Variants in AUTS2 observed in about 807,000 individuals in gnomAD.
AUTS2 encodes autism susceptibility gene 2 protein.
A neutral mutation model predicts 112.4 loss-of-function variants in AUTS2; 17 were observed. That is an observed-to-expected ratio of 0.15 (90% CI 0.10 to 0.23). The LOEUF (loss-of-function observed/expected upper bound fraction) is 0.23, where lower values mean the gene tolerates loss of function less well. AUTS2 is among the 10% of genes least tolerant of loss of function. AUTS2 has a pLI of 1.00. For missense variants in AUTS2, 1,510 were observed against 1,701.6 expected, an observed-to-expected ratio of 0.89 and a Z score of 1.98; for synonymous variants, 751 against 702.7, an observed-to-expected ratio of 1.07 and a Z score of -1.09.
intron 3 of AUTS2, among the ~76,000 whole-genome samples, chr7:70,128,890 C>G (rs1806117913): frequency 6.6e-6 from 1 of 152,116 alleles, no homozygotes; most frequent in Non-Finnish European, 1.5e-5. Flanking sequence ...CCTTGGTGTT[C>G]CTGGCTTATA....
chr7:70,536,378 CCT>C (rs2129501946), intron 5 of AUTS2, among the ~76,000 whole-genome samples: 1 of 151,950 alleles, frequency 6.6e-6, no homozygotes, highest in East Asian at 1.9e-4. Flanking sequence ...GCGCCTTTGC[CCT>C]GTTTTAGACC....
At chr7:70,158,286 A>C (rs1562748410) in intron 4 of AUTS2, among the ~76,000 whole-genome samples, 2 of 152,186 alleles carry the variant, frequency 1.3e-5, no homozygotes, top group Non-Finnish European at 2.9e-5. Flanking sequence ...TGTGTGAGAG[A>C]TAGCTCACTC....
chr7:70,768,055 T>G lies in AUTS2; in HGVS notation c.1721T>G (p.Phe574Cys), dbSNP rs1477059207. The G allele has an allele frequency of 1.9e-6, 3 of 1,606,102 alleles. No individual in the cohort carries two copies. The highest frequency in any genetic ancestry group is 2.5e-6 in the Non-Finnish European group (3 of 1,177,400). The change falls in exon 10 of 19, where the codon TTC (phenylalanine) becomes TGC (cysteine). Residue 574 changes from phenylalanine (F) to cysteine (C), a missense_variant. Phe to Cys is a radical substitution (Grantham distance 205). Around this residue, in one of 3 missense-constraint regions of AUTS2, gnomAD observed 187 missense variants for 309.7 expected, o/e 0.60. Coordinates refer to ENST00000342771, the MANE Select transcript of AUTS2 (RefSeq NM_015570.4). Reference sequence around the variant, plus strand: ...AAATACCCTACAAAAGTTGACCCATTCTACCGGCACAGTGTGAGTTTCATT... The same window carrying G: ...AAATACCCTACAAAAGTTGACCCATGCTACCGGCACAGTGTGAGTTTCATT... Reference protein sequence around the residue: ...FDKYPTKVDPFYRHSLFHSYP... With the variant: ...FDKYPTKVDPCYRHSLFHSYP...
intron 5 of AUTS2, among the ~76,000 whole-genome samples, chr7:70,625,238 G>A (rs1041531241): frequency 7.2e-5 from 11 of 152,118 alleles, no homozygotes; most frequent in Non-Finnish European, 1.6e-4. Context: ...CATATCTCTA[G>A]AACCCCCCAT....
At chr7:70,557,424 G>T (rs907799527) in intron 5 of AUTS2, among the ~76,000 whole-genome samples, 1 of 152,184 alleles carries the variant, frequency 6.6e-6, no homozygotes, top group Non-Finnish European at 1.5e-5. Flanking sequence ...CTCCTCCCCA[G>T]CTTAGCCGAG....
intron 2 of AUTS2, among the ~76,000 whole-genome samples, chr7:70,050,247 C>A (rs1169835170): frequency 1.4e-5 from 2 of 146,790 alleles, no homozygotes; most frequent in African/African-American, 5.0e-5. Context: ...GTCCCAGCTA[C>A]TCAGGAGGCT....
chr7:70,598,014 C>T (rs1425949442), intron 5 of AUTS2, among the ~76,000 whole-genome samples: 1 of 152,156 alleles, frequency 6.6e-6, no homozygotes, highest in Non-Finnish European at 1.5e-5. Context: ...AGGGGCATTG[C>T]ATCTTGAATA....
At chr7:70,123,230 G>A (rs1320077837) in intron 3 of AUTS2, among the ~76,000 whole-genome samples, 1 of 152,120 alleles carries the variant, frequency 6.6e-6, no homozygotes. Context: ...GGATACCAAA[G>A]CAACACCTAC....
intron 4 of AUTS2, among the ~76,000 whole-genome samples, chr7:70,398,699 A>G (rs966421635): frequency 3.9e-5 from 6 of 152,072 alleles, no homozygotes; most frequent in Non-Finnish European, 7.4e-5. Flanking sequence ...TTCCTTTTCA[A>G]TCTGGATTAC....
chr7:69,740,634 C>T (rs1250192532), intron 1 of AUTS2, among the ~76,000 whole-genome samples: 1 of 152,074 alleles, frequency 6.6e-6, no homozygotes, highest in Non-Finnish European at 1.5e-5. Flanking sequence ...AGGAATTCTC[C>T]TGCCTCAGCC....
chr7:70,373,462 T>C (rs1340052026), intron 4 of AUTS2, among the ~76,000 whole-genome samples: 1 of 152,188 alleles, frequency 6.6e-6, no homozygotes, highest in Non-Finnish European at 1.5e-5. Flanking sequence ...TTGGTTGGTT[T>C]TAATCATTCC....
At chr7:70,561,461 C>CA (rs1421921717) in intron 5 of AUTS2, among the ~76,000 whole-genome samples, 2 of 152,100 alleles carry the variant, frequency 1.3e-5, no homozygotes, top group Non-Finnish European at 2.9e-5. Flanking sequence ...CCTGTCTCTA[C>CA]AAAAATTTTT....
intron 2 of AUTS2, among the ~76,000 whole-genome samples, chr7:69,901,499 C>T (rs539036919): frequency 2.8e-4 from 42 of 152,298 alleles, no homozygotes; most frequent in African/African-American, 8.9e-4. Context: ...AAGACTAAGA[C>T]GTAACACATC....
chr7:70,331,903 C>G (rs1790769163), intron 4 of AUTS2, among the ~76,000 whole-genome samples: 1 of 152,132 alleles, frequency 6.6e-6, no homozygotes, highest in South Asian at 2.1e-4. Flanking sequence ...AAAACTGGCA[C>G]AAGATAAGGA....
chr7:70,617,454 A>G (rs1804433518), intron 5 of AUTS2, among the ~76,000 whole-genome samples: 1 of 152,150 alleles, frequency 6.6e-6, no homozygotes, highest in African/African-American at 2.4e-5. Flanking sequence ...TGAGGTCAGG[A>G]GATCAAGACC....
At chr7:69,937,533 C>A (rs1384562601) in intron 2 of AUTS2, among the ~76,000 whole-genome samples, 3 of 152,006 alleles carry the variant, frequency 2.0e-5, no homozygotes, top group Admixed American at 6.5e-5. Flanking sequence ...AATTGCAGAC[C>A]TTGAAGAAAC....
At chr7:70,744,519 A>C (rs989271199) in intron 6 of AUTS2, among the ~76,000 whole-genome samples, 3 of 152,194 alleles carry the variant, frequency 2.0e-5, no homozygotes, top group African/African-American at 7.2e-5. Context: ...CGAGGAGGAC[A>C]TATAAGGAAG....
chr7:70,404,135 A>G (rs1022980617), intron 4 of AUTS2, among the ~76,000 whole-genome samples: 4 of 152,220 alleles, frequency 2.6e-5, no homozygotes, highest in East Asian at 3.8e-4. Flanking sequence ...TCCATCATCC[A>G]TCACCCAACC....
chr7:70,743,621 T>C (rs947942499), intron 6 of AUTS2, among the ~76,000 whole-genome samples: 1 of 152,212 alleles, frequency 6.6e-6, no homozygotes, highest in Non-Finnish European at 1.5e-5. Context: ...TTGTCGTGCA[T>C]TGATCTGGGG....
Sources: allele counts gnomAD v4.1 joint callset (sites outside exome capture counted in the v4.1 genomes callset), GRCh38; gene constraint gnomAD v4.1.1; regional missense constraint gnomAD v4.1.1; transcripts MANE v1.5; gene names NCBI Gene and HGNC (gene_info 2026-07-23, HGNC 2026-07-21).